ARHGAP33: variants seen among roughly 807,000 people sequenced by gnomAD.
ARHGAP33 encodes rho GTPase-activating protein 33.
In ARHGAP33, 57 loss-of-function variants were observed where a neutral mutation model predicts 126.2. The observed-to-expected ratio is 0.45, with a 90% CI of 0.36 to 0.56. The LOEUF (loss-of-function observed/expected upper bound fraction) is 0.56. Ranked by LOEUF, ARHGAP33 falls within the 20% of genes least tolerant of loss-of-function variation. The probability of loss-of-function intolerance (pLI) is 0.00; values close to 1 mark genes in which losing one functional copy is unlikely to be tolerated. For missense variants in ARHGAP33, 1,500 were observed against 1,748.3 expected (o/e 0.86, Z 2.53); for synonymous variants, 711 against 755.0 (o/e 0.94, Z 0.95).
In ARHGAP33 at chr19:35,787,972, T is replaced by C; in HGVS notation, c.3407T>C (p.Leu1136Pro). 20 of 983,938 alleles carry C rather than the reference T, an allele frequency of 2.0e-5. No individual in the cohort carries two copies. The highest frequency in any genetic ancestry group is 2.8e-5 in the Non-Finnish European group (20 of 721,416). 61.0% of individuals were successfully genotyped at this position (983,938 alleles called of 1,614,324 possible). The change falls in exon 21 of 21, where the codon CTC (leucine) becomes CCC (proline). Residue 1136 changes from leucine (L) to proline (P), a missense_variant. Physicochemically the swap from Leu to Pro is moderately conservative, Grantham distance 98. Around this residue, in one of 6 missense-constraint regions of ARHGAP33, gnomAD observed 642 missense variants for 634.0 expected, o/e 1.01. Transcript: ENST00000007510. ...PPLHRSPDFL[L>P]SYPPAPSCFP... ...CTCCACAGGTCCCCCGACTTCCTGC[T>C]CAGCTACCCGCCAGCCCCCTCCTGC...
Position 35,782,448 on chromosome 19 carries a change from C to T in ARHGAP33, c.1161C>T (p.Ser387=). ...AFLQDIHSVS[S]LCKLYFRELP... Reference sequence around the variant, plus strand: ...TGCAGGACATCCACAGCGTGTCCTCCCTCTGCAAGCTCTACTTCCGAGAGC... The same window carrying T: ...TGCAGGACATCCACAGCGTGTCCTCTCTCTGCAAGCTCTACTTCCGAGAGC... The change falls in exon 13 of 21, where the codon TCC becomes TCT. Residue 387 remains serine (S), a synonymous_variant. Coordinates refer to ENST00000007510, the MANE Select transcript of ARHGAP33 (RefSeq NM_001366178.1). This position sits in a 1 kb window ranked among gnomAD's most constrained non-coding sequence, Gnocchi z 4.1. The T allele has an allele frequency of 6.2e-7, 1 of 1,613,646 alleles. No homozygotes were observed.
chr19:35,784,091 C>T, intron 15 of ARHGAP33, 81 bp from the exon 16 acceptor site: 3 of 1,249,120 alleles, frequency 2.4e-6, no homozygotes, highest in South Asian at 1.3e-5. Context: ...TCACTGCCTC[C>T]CCTGGCTCCC....
chr19:35,784,896 G>T, intron 16 of ARHGAP33, 57 bp from the exon 17 acceptor site: 2 of 1,484,056 alleles, frequency 1.3e-6, no homozygotes, highest in East Asian at 5.0e-5. Flanking sequence ...GCTTGGCTTT[G>T]CCTGTGGCCT....
chr19:35,780,987 G>A lies in ARHGAP33; in HGVS notation c.897G>A (p.Arg299=). The A allele has an allele frequency of 6.2e-7, 1 of 1,611,206 alleles. No individual in the cohort carries two copies. The highest frequency in any genetic ancestry group is 8.5e-7 in the Non-Finnish European group (1 of 1,179,902). ...CCTTCATGCGCTCCCGCCCTTCTCGGCAGCGGCTGCGGCAGCGGGGAATCC... is the reference window on the plus strand; with the variant it reads ...CCTTCATGCGCTCCCGCCCTTCTCGACAGCGGCTGCGGCAGCGGGGAATCC... ...LRTFMRSRPS[R]QRLRQRGILR... Residue 299 remains arginine (R), a synonymous_variant, in exon 11 of 21, where the codon CGG becomes CGA. Coordinates refer to ENST00000007510, the MANE Select transcript of ARHGAP33 (RefSeq NM_001366178.1).
At position 35,780,444 on chromosome 19, in the gene ARHGAP33, C is replaced by T. The variant is rs772191909; in HGVS notation, c.648C>T (p.Ile216=). The T allele has an allele frequency of 1.1e-5, 17 of 1,596,934 alleles. No homozygotes were observed. The highest frequency in any genetic ancestry group is 5.1e-5 in the Admixed American group (3 of 58,770). Residue 216 remains isoleucine, a synonymous_variant, in exon 8 of 21, where the codon ATC becomes ATT. Coordinates refer to ENST00000007510, the MANE Select transcript of ARHGAP33 (RefSeq NM_001366178.1). ...SFEVGDIVSV[I]DMPPTEDRSW... ...AGGTGGGAGACATTGTCTCGGTGAT[C>T]GACATGCCACCCACAGAGGATCGGA... is the stretch of plus-strand genomic sequence containing the variant.
chr19:35,778,344 T>G lies in ARHGAP33; in HGVS notation c.254T>G (p.Val85Gly), dbSNP rs1599773337. 1 of 1,614,120 alleles carries G rather than the reference T, an allele frequency of 6.2e-7. No individual in the cohort carries two copies. Among genetic ancestry groups the G allele is most frequent in the Non-Finnish European group, 8.5e-7 (1 of 1,179,994 alleles). Residue 85 changes from valine (V) to glycine (G), a missense_variant, in exon 4 of 21, where the codon GTG becomes GGG. Transcript: ENST00000007510. ...GGAGAGAATGAGCTGGTGTTCGGGG[T>G]GCAGGTGACCTGTCAGGTGAGGCCA... is the stretch of plus-strand genomic sequence containing the variant. ...LSGENELVFG[V>G]QVTCQGRSWP...
Position 35,781,145 on chromosome 19 carries a change from C to T in ARHGAP33, c.983-5C>T. The T allele has an allele frequency of 6.5e-7, 1 of 1,538,886 alleles. No individual in the cohort carries two copies. Among genetic ancestry groups the T allele is most frequent in the South Asian group, 1.1e-5 (1 of 89,592 alleles). ...CCACCCAGCCCTGACCTTGCTTTCTCCCAGTGCCCCAGGTGCTGCGCTGCT... is the reference window on the plus strand; with the variant it reads ...CCACCCAGCCCTGACCTTGCTTTCTTCCAGTGCCCCAGGTGCTGCGCTGCT... On this transcript the variant is annotated splice_polypyrimidine_tract_variant and splice_region_variant and intron_variant, in intron 11 of 20. Coordinates refer to ENST00000007510, the MANE Select transcript of ARHGAP33 (RefSeq NM_001366178.1).
intron 6 of ARHGAP33, 116 bp from the exon 7 acceptor site, chr19:35,780,095 T>A: frequency 7.1e-7 from 1 of 1,404,054 alleles, no homozygotes; most frequent in Non-Finnish European, 9.9e-7. Context: ...TAGCTCTGAG[T>A]GACAGGGGCT....
rs751369558 is a variant in ARHGAP33 at position 35,788,249 on chromosome 19, T to C, written c.3684T>C (p.Pro1228=). The change falls in exon 21 of 21, where the codon CCT becomes CCC. Residue 1228 remains proline, a synonymous_variant. Coordinates refer to ENST00000007510, the MANE Select transcript of ARHGAP33 (RefSeq NM_001366178.1). ...ATAGGGTGCCGGGTCCCTGGGGCCC[T>C]CCTGAGCCTCTCCTGCTCTACAGGG... ...TPHRVPGPWG[P]PEPLLLYRAA... 2 of 1,605,850 alleles carry C rather than the reference T, an allele frequency of 1.2e-6. No individual in the cohort carries two copies. Among genetic ancestry groups the C allele is most frequent in the East Asian group, 4.5e-5 (2 of 44,460 alleles).
At position 35,787,304 on chromosome 19, in the gene ARHGAP33, G is replaced by A. The variant is rs767721905; in HGVS notation, c.2739G>A (p.Glu913=). Residue 913 remains glutamate, a synonymous_variant, in exon 21 of 21, where the codon GAG becomes GAA. Coordinates refer to ENST00000007510, the MANE Select transcript of ARHGAP33 (RefSeq NM_001366178.1). ...ALAERAQQVA[E]QQSQQECGGT... ...CTGAGCGGGCTCAGCAGGTGGCCGAGCAACAGAGCCAGCAGGAGTGTGGGG... is the reference window on the plus strand; with the variant it reads ...CTGAGCGGGCTCAGCAGGTGGCCGAACAACAGAGCCAGCAGGAGTGTGGGG... The A allele has an allele frequency of 8.1e-6, 13 of 1,612,442 alleles. No homozygotes were observed. Among genetic ancestry groups the A allele is most frequent in the Non-Finnish European group, 1.0e-5 (12 of 1,179,526 alleles).
chr19:35,787,672 C>T lies in ARHGAP33; in HGVS notation c.3107C>T (p.Ala1036Val), dbSNP rs1288214306. 3.8e-6 allele frequency: 6 copies of T among 1,593,374 alleles called. No individual in the cohort carries two copies. The South Asian group carries it at 4.5e-5, about 12-fold the overall frequency. ...CCTACCCCCGGCTTCTTCTCCCCAG[C>T]CCCCAGGGAGTGCCTGCCACCCTTC... ...QVPTPGFFSP[A>V]PRECLPPFLG... Residue 1036 changes from alanine to valine, a missense_variant, in exon 21 of 21, where the codon GCC (alanine) becomes GTC (valine). Physicochemically the swap from Ala to Val is moderately conservative, Grantham distance 64. Coordinates refer to ENST00000007510, the MANE Select transcript of ARHGAP33 (RefSeq NM_001366178.1).
At position 35,785,477 on chromosome 19, in the gene ARHGAP33, G is replaced by A. The variant is rs61762677; in HGVS notation, c.1936G>A (p.Gly646Arg). Residue 646 changes from glycine (G) to arginine (R), a missense_variant, in exon 19 of 21, where the codon GGG (glycine) becomes AGG (arginine). Physicochemically the swap from Gly to Arg is moderately radical, Grantham distance 125. This residue lies in a region of ARHGAP33 where 300 missense variants were observed against 291.1 expected (regional missense o/e 1.03). Transcript: ENST00000007510. ...SEESLSSQAS[G>R]AGLQRLHRLR... ...GGAGTCTCTGTCATCGCAGGCCAGC[G>A]GGGCTGGTGAGCAAGGCGGGCAATT... The A allele has an allele frequency of 6.4e-5, 103 of 1,614,078 alleles. No individual in the cohort carries two copies. The highest frequency in any genetic ancestry group is 1.0e-4 in the Admixed American group (6 of 60,008).
intron 6 of ARHGAP33, 188 bp downstream of exon 6, chr19:35,779,312 G>A (rs933060211): frequency 6.2e-5 from 36 of 579,908 alleles, no homozygotes; most frequent in African/African-American, 4.7e-4. Flanking sequence ...GTGTGTGCAC[G>A]TGTGTGTGTT....
rs1971831958 is a variant in ARHGAP33, at chr19:35,782,257, G to C, written c.1086-116G>C. 1.6e-6 allele frequency: 2 copies of C among 1,213,182 alleles called. No individual in the cohort carries two copies. The highest frequency in any genetic ancestry group is 3.0e-5 in the African/African-American group (2 of 66,948). 75.2% of individuals were successfully genotyped at this position (1,213,182 alleles called of 1,614,324 possible). On this transcript the variant is annotated intron_variant, in intron 12 of 20. Transcript: ENST00000007510. The surrounding 1 kb of genome is among the most constrained non-coding windows in gnomAD (Gnocchi z 4.1). ...CTCTGAAGAGCCCAGTGTAGGACCT[G>C]GGGAAGAGGGTTCCATCCACCTGCG...
chr19:35,776,727 G>A (rs918584709), intron 1 of ARHGAP33, among the ~76,000 whole-genome samples: 14 of 152,210 alleles, frequency 9.2e-5, no homozygotes, highest in Non-Finnish European at 1.8e-4. Context: ...CTGGGAGGCC[G>A]GTCATAGTCC....
Position 35,784,237 on chromosome 19 carries a change from C to T in ARHGAP33, c.1487C>T (p.Ser496Leu), listed in dbSNP as rs1354187875. Reference protein sequence around the residue: ...AAAFREVRVQSVVVEFLLTHV... With the variant: ...AAAFREVRVQLVVVEFLLTHV... The stretch of plus-strand genomic sequence containing the variant: ...GCGTTCCGGGAAGTTCGGGTGCAGT[C>T]GGTGGTGGTGGAGTTTCTGCTCACC... The change falls in exon 16 of 21, where the codon TCG becomes TTG. Residue 496 changes from serine (S) to leucine (L), a missense_variant. Transcript: ENST00000007510. The T allele has an allele frequency of 2.5e-6, 4 of 1,612,052 alleles. No individual in the cohort carries two copies. The highest frequency in any genetic ancestry group is 3.4e-6 in the Non-Finnish European group (4 of 1,178,932).
rs1972100181 is a variant in ARHGAP33, at chr19:35,786,158, C to T, written c.1943-255C>T. 4 of 1,371,826 alleles carry T rather than the reference C, an allele frequency of 2.9e-6. No individual in the cohort carries two copies. Among genetic ancestry groups the T allele is most frequent in the Middle Eastern group, 2.7e-4 (1 of 3,674 alleles). 85.0% of individuals were successfully genotyped at this position (1,371,826 alleles called of 1,614,324 possible). A position where few individuals can be genotyped will look rare whatever the true frequency, so the allele number is the denominator to read the frequency against. On this transcript the variant is annotated intron_variant, in intron 19 of 20. Transcript: ENST00000007510. The surrounding 1 kb of genome is among the most constrained non-coding windows in gnomAD (Gnocchi z 7.0). ...TCCCACATACCCAGGAGCCCAGGTG[C>T]TGTCCTGCTGGCTCAGCAGCTGTAT...
In ARHGAP33 at chr19:35,784,944, A is replaced by C. The variant is rs1187016348; in HGVS notation, c.1568-9A>C. ...GAGCTGACAGCTGCCCCCTTTCCAC[A>C]CTCCCCAGGCCGCTGCCTGCTCCCC... is the stretch of plus-strand genomic sequence containing the variant. On this transcript the variant is annotated splice_polypyrimidine_tract_variant and intron_variant, in intron 16 of 20. Transcript: ENST00000007510. 3.3e-6 allele frequency: 5 copies of C among 1,530,892 alleles called. No homozygotes were observed. The African/African-American group carries it at 7.0e-5, about 21-fold the overall frequency. 94.8% of individuals were successfully genotyped at this position (1,530,892 alleles called of 1,614,324 possible). A position where few individuals can be genotyped will look rare whatever the true frequency, so the allele number is the denominator to read the frequency against.
chr19:35,781,543 A>G (rs1295512734), intron 12 of ARHGAP33, among the ~76,000 whole-genome samples: 2 of 152,222 alleles, frequency 1.3e-5, no homozygotes, highest in Non-Finnish European at 2.9e-5. Flanking sequence ...GAAGAGACAA[A>G]CAGGGGAGGG....
Sources: allele counts gnomAD v4.1 joint callset (sites outside exome capture counted in the v4.1 genomes callset), GRCh38; gene constraint gnomAD v4.1.1; regional missense constraint gnomAD v4.1.1; non-coding constraint Gnocchi (gnomAD v3.1); transcripts MANE v1.5; gene names NCBI Gene and HGNC (gene_info 2026-07-23, HGNC 2026-07-21).